KIAA1614: variants seen among roughly 807,000 people sequenced by gnomAD.
KIAA1614 encodes the protein uncharacterized protein KIAA1614.
In KIAA1614, 76 loss-of-function variants were observed where a neutral mutation model predicts 88.7. The ratio of observed to expected loss-of-function variants is 0.86; its 90% CI spans 0.71 to 1.04. The LOEUF (loss-of-function observed/expected upper bound fraction) is 1.04, where lower values mean the gene tolerates loss of function less well. Ranked by LOEUF, KIAA1614 falls within the 50% of genes least tolerant of loss-of-function variation. The probability of loss-of-function intolerance (pLI) is 0.00; values close to 1 mark genes in which losing one functional copy is unlikely to be tolerated. For synonymous variants in KIAA1614, 714 were observed against 675.5 expected (o/e 1.06, Z -0.88); for missense variants, 1,553 against 1,582.5 (o/e 0.98, Z 0.32).
At chr1:180,917,775 T>C in intron 2 of KIAA1614, 76 bp from the exon 3 acceptor site, 1 of 1,183,926 alleles carries the variant, frequency 8.4e-7, no homozygotes, top group Non-Finnish European at 1.3e-6. Flanking sequence ...ACTCTTCTCC[T>C]CAGTGTTCAC....
chr1:180,919,987 T>C (rs891606148), intron 3 of KIAA1614, among the ~76,000 whole-genome samples: 3 of 152,128 alleles, frequency 2.0e-5, no homozygotes, highest in Admixed American at 6.5e-5. Context: ...TAACAAAATG[T>C]CCCCTTAGAG....
At chr1:180,934,755 G>GAC (rs773280105) in intron 4 of KIAA1614, among the ~76,000 whole-genome samples, 2 of 151,834 alleles carry the variant, frequency 1.3e-5, no homozygotes, top group Non-Finnish European at 2.9e-5. Flanking sequence ...CTCCCTAACA[G>GAC]ACACACACAC....
Position 180,935,151 on chromosome 1 carries a change from G to C in KIAA1614, c.1242G>C (p.Thr414=). 1 of 1,446,478 alleles carries C rather than the reference G, an allele frequency of 6.9e-7. No homozygotes were observed. Among genetic ancestry groups the C allele is most frequent in the Non-Finnish European group, 9.1e-7 (1 of 1,098,992 alleles). The allele number at this position is 1,446,478 out of a possible 1,614,324, so 89.6% of individuals were successfully genotyped here. A position where few individuals can be genotyped will look rare whatever the true frequency, so the allele number is the denominator to read the frequency against. The change falls in exon 5 of 9, where the codon ACG becomes ACC. Residue 414 remains threonine (T), a synonymous_variant. Transcript: ENST00000367588. This position sits in a 1 kb window ranked among gnomAD's most constrained non-coding sequence, Gnocchi z 6.1. ...GAAGCCCAGCCCGGGACCCCAGGAC[G>C]ACCCCTGCCTGCAGAGACAGCCTCC... ...GHRSPARDPR[T]TPACRDSLQN... is the part of the protein sequence containing the mutation.
At position 180,928,425 on chromosome 1, in the gene KIAA1614, T is replaced by C. The variant is rs376592151; in HGVS notation, c.1062-5T>C. 66 of 1,609,792 alleles carry C rather than the reference T, an allele frequency of 4.1e-5. No homozygotes were observed. Among genetic ancestry groups the C allele is most frequent in the African/African-American group, 5.3e-5 (4 of 74,876 alleles). On this transcript the variant is annotated splice_region_variant and splice_polypyrimidine_tract_variant and intron_variant, in intron 3 of 8. Transcript: ENST00000367588. ...CACCACCCTGGCCTGTGTGCCACGC[T>C]GCAGGACCGTTGGTCCCAACCCGGA...
chr1:180,925,757 G>A (rs1654052908), intron 3 of KIAA1614, among the ~76,000 whole-genome samples: 3 of 152,238 alleles, frequency 2.0e-5, no homozygotes. Flanking sequence ...TGGCTGGAGG[G>A]GTGGGGGAAG....
intron 3 of KIAA1614, among the ~76,000 whole-genome samples, chr1:180,922,837 G>A (rs948006593): frequency 6.6e-6 from 1 of 152,058 alleles, no homozygotes; most frequent in African/African-American, 2.4e-5. Context: ...AGATAGGATC[G>A]GGCCCCACAG....
At chr1:180,939,512 A>G (rs1370507904) in intron 6 of KIAA1614, among the ~76,000 whole-genome samples, 1 of 151,918 alleles carries the variant, frequency 6.6e-6, no homozygotes, top group African/African-American at 2.4e-5. Flanking sequence ...CTCCCACTGT[A>G]ACCCTCTGCA....
chr1:180,932,775 CAG>C (rs57549507), intron 4 of KIAA1614, among the ~76,000 whole-genome samples: 1 of 894 alleles, frequency 1.1e-3, no homozygotes, highest in Non-Finnish European at 0.012. Flanking sequence ...TGGAGTGTAG[CAG>C]CACTCAGTAT....
Position 180,944,386 on chromosome 1 carries a change from C to T in KIAA1614, c.3160-3C>T. The T allele has an allele frequency of 3.7e-6, 6 of 1,613,160 alleles. No homozygotes were observed. Among genetic ancestry groups the T allele is most frequent in the Non-Finnish European group, 5.1e-6 (6 of 1,179,386 alleles). ...ACCCGCAATATTGTCCCTTTCTCAT[C>T]AGGTGTCACCCTCTCACCAGCGTCG... On this transcript the variant is annotated splice_polypyrimidine_tract_variant and splice_region_variant and intron_variant, in intron 7 of 8. Transcript: ENST00000367588.
rs761221188 is a variant in KIAA1614 at position 180,917,063 on chromosome 1, C to T, written c.960C>T (p.Thr320=). The T allele has an allele frequency of 1.9e-6, 3 of 1,613,548 alleles. No homozygotes were observed. Among genetic ancestry groups the T allele is most frequent in the Admixed American group, 1.7e-5 (1 of 60,026 alleles). ...VSGQSPRKVG[T]PAWTPSWDTA... is the part of the protein sequence containing the mutation. Reference sequence around the variant, plus strand: ...GGCAGAGCCCCCGCAAGGTGGGAACCCCTGCCTGGACTCCATCCTGGGACA... The same window carrying T: ...GGCAGAGCCCCCGCAAGGTGGGAACTCCTGCCTGGACTCCATCCTGGGACA... Residue 320 remains threonine, a synonymous_variant, in exon 2 of 9, where the codon ACC becomes ACT. Coordinates refer to ENST00000367588, the MANE Select transcript of KIAA1614 (RefSeq NM_020950.2).
At position 180,928,675 on chromosome 1, in the gene KIAA1614, CAT is replaced by C. The variant is rs199511394; in HGVS notation, c.1205+103_1205+104del. 1.5e-3 allele frequency: 1,937 copies of C among 1,266,262 alleles called. 22 individuals carry two copies. In the African/African-American group the frequency reaches 0.024, roughly 16 times the overall value. The allele number at this position is 1,266,262 out of a possible 1,614,324, so 78.4% of individuals were successfully genotyped here. A position where few individuals can be genotyped will look rare whatever the true frequency, so the allele number is the denominator to read the frequency against. On this transcript the variant is annotated intron_variant, in intron 4 of 8. Transcript: ENST00000367588. ...AGCCAAATGCTGCTGCTGCTCGCTC[CAT>C]GTGTGTGTGTGTCTGTGTGTTTTCC...
chr1:180,928,666 TGCTC>T, intron 4 of KIAA1614, 93 bp downstream of exon 4: 1 of 1,368,098 alleles, frequency 7.3e-7, no homozygotes, highest in South Asian at 1.3e-5. Context: ...ATGCTGCTGC[TGCTC>T]GCTCCATGTG....
chr1:180,923,855 C>T (rs771574588), intron 3 of KIAA1614, among the ~76,000 whole-genome samples: 5 of 152,084 alleles, frequency 3.3e-5, no homozygotes, highest in African/African-American at 4.8e-5. Flanking sequence ...TAACCAAGAA[C>T]GGAAGAATGC....
At chr1:180,939,955 C>T (rs1193307718) in intron 6 of KIAA1614, among the ~76,000 whole-genome samples, 2 of 152,226 alleles carry the variant, frequency 1.3e-5, no homozygotes, top group Non-Finnish European at 2.9e-5. Context: ...ACCTGGACTA[C>T]TCAACTCCAG....
rs1285927725 is a variant in KIAA1614, at chr1:180,945,849, AATCCCAG to A, written c.*263_*269del. On this transcript the variant is annotated 3_prime_UTR_variant, in exon 9 of 9. Transcript: ENST00000367588. The stretch of plus-strand genomic sequence containing the variant: ...GCCGGGCGCAGTGGCTCATGCCTGT[AATCCCAG>A]AACTTTGGGAGGCCGAGGCGCCTGG... 8.1e-7 allele frequency: 1 copy of A among 1,232,692 alleles called. No individual in the cohort carries two copies. The highest frequency in any genetic ancestry group is 1.6e-5 in the African/African-American group (1 of 63,174). The allele number at this position is 1,232,692 out of a possible 1,614,324, so 76.4% of individuals were successfully genotyped here.
intron 7 of KIAA1614, 152 bp downstream of exon 7, chr1:180,941,437 C>CCATG (rs1654462673): frequency 1.0e-6 from 1 of 974,918 alleles, no homozygotes; most frequent in East Asian, 2.7e-5. Context: ...CATGGTTGAC[C>CCATG]CATGAGACTT....
chr1:180,945,613 A>C lies in KIAA1614; in HGVS notation c.*25A>C, dbSNP rs751166236. ...AGCCGTGCAGCTCTGGGAATTCAGAAAGCCTCTGACTACAGGACTAGGCTT... is the reference window on the plus strand; with the variant it reads ...AGCCGTGCAGCTCTGGGAATTCAGACAGCCTCTGACTACAGGACTAGGCTT... On this transcript the variant is annotated 3_prime_UTR_variant, in exon 9 of 9. Coordinates refer to ENST00000367588, the MANE Select transcript of KIAA1614 (RefSeq NM_020950.2). 8.9e-6 allele frequency: 14 copies of C among 1,578,162 alleles called. No homozygotes were observed. The South Asian group carries it at 1.6e-4, about 19-fold the overall frequency.
chr1:180,936,721 C>A, intron 5 of KIAA1614, 51 bp downstream of exon 5: 1 of 1,267,286 alleles, frequency 7.9e-7, no homozygotes, highest in Non-Finnish European at 1.1e-6. Flanking sequence ...TGTGGTTCTA[C>A]AGCAGACGCC....
At chr1:180,913,444 A>G (rs958049727) in intron 1 of KIAA1614, 151 bp downstream of exon 1, 3 of 421,304 alleles carry the variant, frequency 7.1e-6, no homozygotes, top group Non-Finnish European at 1.2e-5. Context: ...CCCGCCCTTC[A>G]CGTCCATCTT....
Sources: allele counts gnomAD v4.1 joint callset (sites outside exome capture counted in the v4.1 genomes callset), GRCh38; gene constraint gnomAD v4.1.1; non-coding constraint Gnocchi (gnomAD v3.1); transcripts MANE v1.5; gene names NCBI Gene and HGNC (gene_info 2026-07-23, HGNC 2026-07-21).